DCTN1: variants seen among roughly 807,000 people sequenced by gnomAD.
DCTN1 encodes the protein dynactin subunit 1.
Under a neutral mutation model 161.2 loss-of-function variants are expected in DCTN1, and 61 were observed. The ratio of observed to expected loss-of-function variants is 0.38; its 90% CI spans 0.31 to 0.47. The LOEUF is 0.47. Among genes scored for constraint, DCTN1 ranks in the 20% least tolerant of loss-of-function variants. The probability of loss-of-function intolerance (pLI) is 0.99; values close to 1 mark genes in which losing one functional copy is unlikely to be tolerated. For missense variants in DCTN1, 1,404 were observed against 1,623.7 expected (o/e 0.86, Z 2.33); for synonymous variants, 653 against 632.4 (o/e 1.03, Z -0.49).
chr2:74,391,533 G>A (rs1255928052), intron 1 of DCTN1: 3 of 317,846 alleles, frequency 9.4e-6, no homozygotes, highest in South Asian at 2.4e-5. Flanking sequence ...CAGGAACGGA[G>A]GGGAGACCCT....
upstream of DCTN1, among the ~76,000 whole-genome samples, chr2:74,383,271 T>C (rs1454321957): frequency 6.6e-6 from 1 of 152,220 alleles, no homozygotes; most frequent in Non-Finnish European, 1.5e-5. Context: ...ATAAGCCTTT[T>C]GAAGCATAGC....
chr2:74,374,579 G>A (rs766971043), intron 5 of DCTN1: 4 of 1,310,174 alleles, frequency 3.1e-6, no homozygotes, highest in Middle Eastern at 3.1e-4. Context: ...AGAGGCCCCC[G>A]CAGACGTGCA....
intron 15 of DCTN1, 77 bp from the exon 16 acceptor site, chr2:74,368,957 A>G (rs1674626271): frequency 2.0e-5 from 32 of 1,590,588 alleles, no homozygotes; most frequent in Non-Finnish European, 2.8e-5. Flanking sequence ...GCTCCAGTAG[A>G]TCCCTTGCTT....
intron 1 of DCTN1, chr2:74,391,244 G>C (rs1675982809): frequency 6.4e-6 from 1 of 157,148 alleles, no homozygotes; most frequent in Admixed American, 6.3e-5. Context: ...ATAAATGACG[G>C]TAAGTTTTCA....
chr2:74,373,537 G>A (rs757320776), intron 6 of DCTN1, among the ~76,000 whole-genome samples: 28 of 152,084 alleles, frequency 1.8e-4, no homozygotes, highest in African/African-American at 6.5e-4. Flanking sequence ...CAGCAGTCCC[G>A]ATCACTAGGG....
upstream of DCTN1, chr2:74,380,399 G>T: frequency 2.0e-6 from 1 of 507,088 alleles, no homozygotes; most frequent in Non-Finnish European, 4.0e-6. Context: ...GAAACTAAGG[G>T]CTGGGCATAC....
Position 74,363,463 on chromosome 2 carries a change from T to C in DCTN1, c.3212-36A>G, listed in dbSNP as rs559448733. ...CATAAAAAATCTCATCAGCCCCAAG[T>C]GGAAAGGGTTGAAAATTGGGCTCCA... is the stretch of plus-strand genomic sequence containing the variant. On this transcript the variant is annotated intron_variant, in intron 27 of 31. Transcript: ENST00000628224. 1.0e-4 allele frequency: 161 copies of C among 1,609,830 alleles called. 2 individuals carry two copies. In the South Asian group the frequency reaches 1.7e-3, roughly 17 times the overall value.
Position 74,365,997 on chromosome 2 carries a change from C to A in DCTN1, c.2782G>T (p.Ala928Ser), listed in dbSNP as rs1674377455. 1 of 1,614,258 alleles carries A rather than the reference C, an allele frequency of 6.2e-7. No homozygotes were observed. The highest frequency in any genetic ancestry group is 1.3e-5 in the African/African-American group (1 of 75,066). ...GTGATCTCTGCACGAAGGGCAGCAG[C>A]CCGCAGTTCAACCGGTGGAGGCTAA... ...PSKPPPVELR[A>S]AALRAEITDA... The change falls in exon 24 of 32, where the codon GCT becomes TCT. Residue 928 changes from alanine to serine, a missense_variant. This residue lies in a region of DCTN1 where 475 missense variants were observed against 489.8 expected (regional missense o/e 0.97). Coordinates refer to ENST00000628224, the MANE Select transcript of DCTN1 (RefSeq NM_004082.5).
Position 74,371,579 on chromosome 2 carries a change from G to A in DCTN1, c.603C>T (p.Leu201=). The part of the protein sequence containing the change: ...LAAPIIPTPV[L]TSPGAVPPLP... The stretch of plus-strand genomic sequence containing the variant: ...GCGGGGGGACTGCTCCAGGAGAGGT[G>A]AGGACCGGCGTGGGGATGATGGGTG... The change falls in exon 8 of 32, where the codon CTC becomes CTT. Residue 201 remains leucine (L), a synonymous_variant. Coordinates refer to ENST00000628224, the MANE Select transcript of DCTN1 (RefSeq NM_004082.5). 1 of 1,586,132 alleles carries A rather than the reference G, an allele frequency of 6.3e-7. No homozygotes were observed. The highest frequency in any genetic ancestry group is 1.1e-5 in the South Asian group (1 of 86,972).
At chr2:74,367,505 T>C in intron 18 of DCTN1, 85 bp from the exon 19 acceptor site, 1 of 1,532,918 alleles carries the variant, frequency 6.5e-7, no homozygotes, top group Non-Finnish European at 9.0e-7. Context: ...GCCCTGGTCA[T>C]CATGGGTCTC....
In DCTN1 at chr2:74,369,234, A is replaced by G; in HGVS notation, c.1585-20T>C. 1.2e-6 allele frequency: 2 copies of G among 1,614,202 alleles called. No individual in the cohort carries two copies. Among genetic ancestry groups the G allele is most frequent in the Non-Finnish European group, 1.7e-6 (2 of 1,180,034 alleles). On this transcript the variant is annotated intron_variant, in intron 14 of 31. Transcript: ENST00000628224. The surrounding 1 kb of genome is among the most constrained non-coding windows in gnomAD (Gnocchi z 4.9). ...CACATCCTAGGAGGAGAGACAGTGA[A>G]GCACAGCTGGGTCATAAGGAAGCCC...
At chr2:74,387,857 T>C in intron 1 of DCTN1, among the ~76,000 whole-genome samples, 1 of 152,288 alleles carries the variant, frequency 6.6e-6, no homozygotes, top group Admixed American at 6.5e-5. Flanking sequence ...GCCCACAAAA[T>C]GAAATCTTTT....
intron 2 of DCTN1, 21 bp from the exon 3 acceptor site, chr2:74,377,747 G>C (rs1558948700): frequency 1.2e-6 from 2 of 1,604,186 alleles, no homozygotes; most frequent in Non-Finnish European, 1.7e-6. Context: ...ATTCAATATA[G>C]CCAGATCAAT....
Position 74,361,618 on chromosome 2 carries a change from C to A in DCTN1, c.3718G>T (p.Asp1240Tyr), listed in dbSNP as rs748860016. 2.3e-5 allele frequency: 37 copies of A among 1,614,006 alleles called. No individual in the cohort carries two copies. The highest frequency in any genetic ancestry group is 3.1e-5 in the Non-Finnish European group (36 of 1,180,022). ...ACTTTGCCCATGTAGACTGTGTCAT[C>A]CTGCTGCTCCTCCTTGGCCTGGTGG... is the stretch of plus-strand genomic sequence containing the variant. ...AFLRAKEEQQDDTVYMGKVTF... is the reference protein window; with the variant it reads ...AFLRAKEEQQYDTVYMGKVTF... Residue 1240 changes from aspartate (D) to tyrosine (Y), a missense_variant, in exon 32 of 32, where the codon GAT becomes TAT. By Grantham distance (160) the Asp-to-Tyr change is radical. Around this residue, in one of 9 missense-constraint regions of DCTN1, gnomAD observed 311 missense variants for 298.9 expected, o/e 1.04. Transcript: ENST00000628224.
rs377745224 is a variant in DCTN1, at chr2:74,361,610, T to C, written c.3726A>G (p.Thr1242=). 9.9e-6 allele frequency: 16 copies of C among 1,614,006 alleles called. No individual in the cohort carries two copies. In the African/African-American group the frequency reaches 1.7e-4, roughly 18 times the overall value. ...LRAKEEQQDD[T]VYMGKVTFSC... The stretch of plus-strand genomic sequence containing the variant: ...AGAAGGTCACTTTGCCCATGTAGAC[T>C]GTGTCATCCTGCTGCTCCTCCTTGG... Residue 1242 remains threonine (T), a synonymous_variant, in exon 32 of 32, where the codon ACA becomes ACG. Transcript: ENST00000628224.
Position 74,391,490 on chromosome 2 carries a change from T to C in DCTN1, c.-19+304A>G, listed in dbSNP as rs1261751015. On this transcript the variant is annotated intron_variant, in intron 1 of 27. Transcript: ENST00000409240. ...CATGTGCCCACAGGAAACCTGTAGC[T>C]CAGTATGGATTCAGGGGCGCCTCAG... 1.3e-5 allele frequency: 4 copies of C among 299,010 alleles called. No homozygotes were observed. The East Asian group carries it at 3.4e-4, about 25-fold the overall frequency. 18.5% of individuals were successfully genotyped at this position (299,010 alleles called of 1,614,324 possible).
chr2:74,368,284 C>A, intron 16 of DCTN1, 153 bp from the exon 17 acceptor site: 1 of 1,027,480 alleles, frequency 9.7e-7, no homozygotes, highest in Non-Finnish European at 1.4e-6. Context: ...GGGAATCTTG[C>A]ATGGGGAAAG....
At chr2:74,367,319 A>AC (rs1342947519) in intron 19 of DCTN1, 33 bp downstream of exon 19, 3 of 1,612,742 alleles carry the variant, frequency 1.9e-6, no homozygotes, top group Middle Eastern at 1.6e-4. Context: ...TCTGATCTCC[A>AC]CGGGGGCTCA....
At chr2:74,365,430 C>G (rs1056336180) in intron 25 of DCTN1, 85 bp downstream of exon 25, 2 of 1,602,712 alleles carry the variant, frequency 1.2e-6, no homozygotes, top group African/African-American at 2.7e-5. Flanking sequence ...TATAAGAGAA[C>G]CTGAGTAGGG....
Sources: gnomAD v4.1 joint callset for allele counts (sites outside exome capture counted in the v4.1 genomes callset) on GRCh38, gnomAD v4.1.1 for gene constraint, gnomAD v4.1.1 regional missense constraint, Gnocchi (gnomAD v3.1) non-coding constraint, MANE v1.5 for transcripts, NCBI Gene and HGNC (gene_info 2026-07-23, HGNC 2026-07-21) for gene names.